CHRM2: variants seen among roughly 807,000 people sequenced by gnomAD.
CHRM2 encodes cholinergic receptor muscarinic 2.
In CHRM2, 8 loss-of-function variants were observed where a neutral mutation model predicts 25.0. The ratio of observed to expected loss-of-function variants is 0.32; its 90% CI spans 0.19 to 0.58. The LOEUF is 0.58. CHRM2 is among the 20% of genes least tolerant of loss of function. CHRM2 has a pLI of 0.88. For synonymous variants in CHRM2, 202 were observed against 205.7 expected (o/e 0.98, Z 0.15); for missense variants, 440 against 567.1 (o/e 0.78, Z 2.28).
intron 2 of CHRM2, among the ~76,000 whole-genome samples, chr7:136,938,754 C>T (rs2130807367): frequency 6.6e-6 from 1 of 152,038 alleles, no homozygotes; most frequent in East Asian, 1.9e-4. Flanking sequence ...GGGAGGCCGC[C>T]ATGCAGTGTA....
At chr7:136,974,580 T>C in intron 2 of CHRM2, among the ~76,000 whole-genome samples, 1 of 152,072 alleles carries the variant, frequency 6.6e-6, no homozygotes. Flanking sequence ...CGAATGCATA[T>C]ACCTCATTAC....
chr7:136,935,742 CAGGTATTCATGGA>C (rs1267937505), intron 2 of CHRM2, among the ~76,000 whole-genome samples: 3 of 152,124 alleles, frequency 2.0e-5, no homozygotes, highest in African/African-American at 7.2e-5. Context: ...AGGATTGTTA[CAGGTATTCATGGA>C]AGTGTTCCCA....
At chr7:136,946,003 G>A (rs1224758513) in intron 2 of CHRM2, among the ~76,000 whole-genome samples, 3 of 152,076 alleles carry the variant, frequency 2.0e-5, no homozygotes, top group Non-Finnish European at 2.9e-5. Flanking sequence ...GAAATGGAAA[G>A]AGAACCAGAC....
intron 2 of CHRM2, among the ~76,000 whole-genome samples, chr7:136,942,677 C>T (rs1799841033): frequency 6.6e-6 from 1 of 152,084 alleles, no homozygotes; most frequent in African/African-American, 2.4e-5. Flanking sequence ...AGAATAACCC[C>T]AGGGCAGGCT....
intron 2 of CHRM2, among the ~76,000 whole-genome samples, chr7:136,960,896 T>C (rs906344783): frequency 3.3e-5 from 5 of 152,110 alleles, no homozygotes; most frequent in Admixed American, 6.6e-5. Flanking sequence ...GAGACTGAGG[T>C]GGGCAGACCA....
chr7:136,885,778 A>C (rs1213909139), intron 2 of CHRM2, among the ~76,000 whole-genome samples: 1 of 152,198 alleles, frequency 6.6e-6, no homozygotes, highest in East Asian at 1.9e-4. Flanking sequence ...ACAGGGAAAA[A>C]TTAGACTAAC....
chr7:136,910,658 C>A (rs1797792172), intron 2 of CHRM2, among the ~76,000 whole-genome samples: 1 of 151,950 alleles, frequency 6.6e-6, no homozygotes, highest in Admixed American at 6.6e-5. Flanking sequence ...TCCTCTCCCA[C>A]CTTTCACCAG....
chr7:137,005,922 A>G (rs147336703), intron 3 of CHRM2, among the ~76,000 whole-genome samples: 13 of 152,256 alleles, frequency 8.5e-5, no homozygotes, highest in Non-Finnish European at 1.6e-4. Context: ...AGACGGTAAG[A>G]GAGACAGATT....
At chr7:136,881,363 A>G (rs1026386370) in intron 2 of CHRM2, among the ~76,000 whole-genome samples, 34 of 151,536 alleles carry the variant, frequency 2.2e-4, no homozygotes, top group African/African-American at 8.0e-4. Context: ...ATGACAGTCC[A>G]TTGCATTCAT....
intron 2 of CHRM2, among the ~76,000 whole-genome samples, chr7:136,979,533 G>A (rs536093030): frequency 5.2e-4 from 79 of 152,120 alleles, no homozygotes; most frequent in African/African-American, 1.7e-3. Flanking sequence ...GCCTATATCC[G>A]TAATGGTATT....
chr7:136,986,231 A>G (rs1371529976), intron 2 of CHRM2, among the ~76,000 whole-genome samples: 1 of 152,124 alleles, frequency 6.6e-6, no homozygotes, highest in Non-Finnish European at 1.5e-5. Context: ...GCACCAAAGC[A>G]TTTCCTTATT....
intron 3 of CHRM2, among the ~76,000 whole-genome samples, chr7:137,005,633 T>G (rs1412175876): frequency 2.0e-5 from 3 of 152,070 alleles, no homozygotes; most frequent in African/African-American, 4.8e-5. Context: ...CATTGCCATG[T>G]GCTCTGTCTC....
chr7:137,010,149 C>T (rs954644166), intron 3 of CHRM2, among the ~76,000 whole-genome samples: 4 of 151,984 alleles, frequency 2.6e-5, no homozygotes, highest in African/African-American at 9.7e-5. Context: ...TTGAGGTTCA[C>T]GAAATTTAAA....
chr7:137,019,351 C>T lies in CHRM2; in HGVS notation c.*3085C>T, dbSNP rs553157714. On this transcript the variant is annotated 3_prime_UTR_variant, in exon 4 of 4. Transcript: ENST00000680005. ...TCAAAAATCACCAGACTATGCATAT[C>T]GCACATCTTTTTTCCAGCATCTTAA... 1.1e-4 allele frequency: 17 copies of T among 151,854 alleles called. No individual in the cohort carries two copies. Among genetic ancestry groups the T allele is most frequent in the African/African-American group, 3.9e-4 (16 of 41,400 alleles). The allele number at this position is 151,854 out of a possible 1,614,324, so 9.4% of individuals were successfully genotyped here.
chr7:137,016,489 G>A lies in CHRM2; in HGVS notation c.*223G>A. The A allele has an allele frequency of 1.8e-6, 1 of 553,254 alleles. No individual in the cohort carries two copies. 34.3% of individuals were successfully genotyped at this position (553,254 alleles called of 1,614,324 possible). A position where few individuals can be genotyped will look rare whatever the true frequency, so the allele number is the denominator to read the frequency against. ...TATTAGGAGCAATGAGACAATGAAA[G>A]AAACATGTTGGGATCGTGGATTTAA... On this transcript the variant is annotated 3_prime_UTR_variant, in exon 4 of 4. Coordinates refer to ENST00000680005, the MANE Select transcript of CHRM2 (RefSeq NM_001006630.2).
intron 2 of CHRM2, among the ~76,000 whole-genome samples, chr7:136,931,775 C>T (rs1323096409): frequency 6.6e-6 from 1 of 152,200 alleles, no homozygotes; most frequent in African/African-American, 2.4e-5. Flanking sequence ...TCACGTATTG[C>T]TTCAATTTTT....
chr7:136,934,263 G>A (rs968710810), intron 2 of CHRM2, among the ~76,000 whole-genome samples: 1 of 151,978 alleles, frequency 6.6e-6, no homozygotes, highest in Middle Eastern at 3.4e-3. Flanking sequence ...TCCCTCTCTT[G>A]TTCTTCCTTC....
chr7:137,000,406 G>T (rs575998400), intron 3 of CHRM2, among the ~76,000 whole-genome samples: 17 of 150,844 alleles, frequency 1.1e-4, no homozygotes, highest in African/African-American at 4.1e-4. Flanking sequence ...TGCCATGTTG[G>T]CCAGGCTGGT....
At position 136,965,104 on chromosome 7, in the gene CHRM2, T is replaced by C. The variant is rs151074732; in HGVS notation, c.-124-27083T>C. Reference sequence around the variant, plus strand: ...AGATATCTATGAATTAATGCAGACATGTATATTGTGGTGAGCTTTAAAATT... The same window carrying C: ...AGATATCTATGAATTAATGCAGACACGTATATTGTGGTGAGCTTTAAAATT... On this transcript the variant is annotated intron_variant, in intron 2 of 3. Transcript: ENST00000680005. 5.4e-3 allele frequency among the ~76,000 whole-genome samples: 824 copies of C among 152,230 alleles called. 3 individuals carry two copies. Among genetic ancestry groups the C allele is most frequent in the Middle Eastern group, 0.037 (11 of 294 alleles).
Sources: allele counts gnomAD v4.1 joint callset (sites outside exome capture counted in the v4.1 genomes callset), GRCh38; gene constraint gnomAD v4.1.1; transcripts MANE v1.5; gene names NCBI Gene and HGNC (gene_info 2026-07-23, HGNC 2026-07-21).